The following PCNX1 variants were observed in gnomAD, a reference collection of about 807,000 sequenced individuals.
The protein encoded by PCNX1 is pecanex-like protein 1.
A neutral mutation model predicts 242.2 loss-of-function variants in PCNX1; 78 were observed. The ratio of observed to expected loss-of-function variants is 0.32; its 90% CI spans 0.27 to 0.39. The LOEUF (loss-of-function observed/expected upper bound fraction) is 0.39. PCNX1 is among the 10% of genes least tolerant of loss of function. PCNX1 has a pLI of 1.00. For missense variants in PCNX1, 2,581 were observed against 2,856.5 expected (o/e 0.90, Z 2.20); for synonymous variants, 1,024 against 1,032.9 (o/e 0.99, Z 0.17).
chr14:70,938,329 T>A (rs1021701729), intron 1 of PCNX1, among the ~76,000 whole-genome samples: 2 of 151,994 alleles, frequency 1.3e-5, no homozygotes, highest in African/African-American at 2.4e-5. Flanking sequence ...TTATTGAGAG[T>A]TTTTAGCATG....
At chr14:71,026,992 T>TA in intron 15 of PCNX1, 110 bp downstream of exon 15, 4 of 527,688 alleles carry the variant, frequency 7.6e-6, no homozygotes, top group South Asian at 2.9e-5. Flanking sequence ...GGCTTGAAAT[T>TA]AGAAAAAAAA....
intron 31 of PCNX1, among the ~76,000 whole-genome samples, chr14:71,102,956 A>G (rs966845687): frequency 6.6e-6 from 1 of 152,152 alleles, no homozygotes; most frequent in Admixed American, 6.5e-5. Flanking sequence ...TAAACATCTC[A>G]GTGCTTTAAG....
At chr14:71,073,870 T>G in intron 27 of PCNX1, 72 bp downstream of exon 27, 3 of 1,038,058 alleles carry the variant, frequency 2.9e-6, no homozygotes, top group Non-Finnish European at 3.9e-6. Context: ...TATAAGTATA[T>G]ATATATGTAT....
At chr14:71,073,316 G>A (rs1273682800) in intron 26 of PCNX1, among the ~76,000 whole-genome samples, 4 of 152,124 alleles carry the variant, frequency 2.6e-5, no homozygotes, top group Non-Finnish European at 5.9e-5. Context: ...CAAAAAAAGC[G>A]TAGTGTGCTA....
intron 19 of PCNX1, among the ~76,000 whole-genome samples, chr14:71,038,608 T>A (rs1355198769): frequency 6.6e-6 from 1 of 151,280 alleles, no homozygotes; most frequent in Non-Finnish European, 1.5e-5. Context: ...ATAGGAACAC[T>A]TTTACACTGT....
intron 33 of PCNX1, among the ~76,000 whole-genome samples, chr14:71,107,919 G>C (rs979059949): frequency 6.6e-5 from 10 of 152,152 alleles, no homozygotes; most frequent in African/African-American, 2.2e-4. Flanking sequence ...ATTAAATTAA[G>C]CTAGTTAACC....
chr14:71,090,593 A>G (rs903930105), intron 30 of PCNX1, among the ~76,000 whole-genome samples: 3 of 152,248 alleles, frequency 2.0e-5, no homozygotes, highest in Admixed American at 2.0e-4. Flanking sequence ...AGAATTGTCC[A>G]TCTTCAGACT....
chr14:70,944,999 A>T (rs1045670616), intron 1 of PCNX1, among the ~76,000 whole-genome samples: 1 of 152,100 alleles, frequency 6.6e-6, no homozygotes, highest in African/African-American at 2.4e-5. Flanking sequence ...AGTCTTGGGT[A>T]TTTCTTCATA....
At position 70,968,389 on chromosome 14, in the gene PCNX1, G is replaced by C. The variant is rs1669294889; in HGVS notation, c.514+146G>C. The stretch of plus-strand genomic sequence containing the variant: ...GATAAAATTATTTATCTTATTAAAG[G>C]TTGGTTGACTTAAATTGTGTTCTCT... On this transcript the variant is annotated intron_variant, in intron 4 of 35. Coordinates refer to ENST00000304743, the MANE Select transcript of PCNX1 (RefSeq NM_014982.3). 7.2e-6 allele frequency: 4 copies of C among 553,718 alleles called. No homozygotes were observed. In the Admixed American group the frequency reaches 1.1e-4, roughly 16 times the overall value. 34.3% of individuals were successfully genotyped at this position (553,718 alleles called of 1,614,324 possible).
At chr14:71,066,948 A>G (rs977835106) in intron 26 of PCNX1, among the ~76,000 whole-genome samples, 4 of 152,214 alleles carry the variant, frequency 2.6e-5, no homozygotes, top group African/African-American at 9.6e-5. Context: ...CTTGCATCCC[A>G]GGGATGAAGC....
intron 19 of PCNX1, among the ~76,000 whole-genome samples, chr14:71,042,137 A>G (rs968282439): frequency 2.0e-5 from 3 of 152,144 alleles, no homozygotes; most frequent in African/African-American, 7.2e-5. Context: ...GTTAATGAGG[A>G]CAGTGTGTAT....
chr14:70,941,398 C>G (rs951226505), intron 1 of PCNX1, among the ~76,000 whole-genome samples: 7 of 152,182 alleles, frequency 4.6e-5, no homozygotes, highest in Non-Finnish European at 1.0e-4. Context: ...GAGGTCCACT[C>G]CAGACCCTGT....
At chr14:71,088,115 G>A (rs1056412869) in intron 28 of PCNX1, among the ~76,000 whole-genome samples, 3 of 151,676 alleles carry the variant, frequency 2.0e-5, no homozygotes, top group African/African-American at 2.4e-5. Flanking sequence ...ATTTTGTTCC[G>A]TTATTATGAA....
intron 10 of PCNX1, chr14:71,012,194 A>C (rs1159290840): frequency 1.3e-5 from 2 of 153,136 alleles, no homozygotes; most frequent in Non-Finnish European, 2.9e-5. Context: ...ATATAGTAAC[A>C]ACAATGATAA....
intron 28 of PCNX1, among the ~76,000 whole-genome samples, chr14:71,079,394 G>A (rs1424729855): frequency 1.3e-5 from 2 of 152,114 alleles, no homozygotes; most frequent in Non-Finnish European, 1.5e-5. Context: ...GGCATTTCTG[G>A]TTCTAGATCC....
intron 1 of PCNX1, among the ~76,000 whole-genome samples, chr14:70,915,456 A>G (rs1449269864): frequency 6.6e-6 from 1 of 152,210 alleles, no homozygotes; most frequent in African/African-American, 2.4e-5. Flanking sequence ...ACCAAAATAT[A>G]TTTGGAGTTT....
chr14:71,085,082 C>T (rs926765646), intron 28 of PCNX1, among the ~76,000 whole-genome samples: 2 of 152,218 alleles, frequency 1.3e-5, no homozygotes, highest in Admixed American at 6.5e-5. Flanking sequence ...CACAGCTTCC[C>T]TTGGCTAGGG....
At chr14:71,008,334 C>T (rs1480509433) in intron 8 of PCNX1, among the ~76,000 whole-genome samples, 1 of 152,014 alleles carries the variant, frequency 6.6e-6, no homozygotes, top group Admixed American at 6.6e-5. Flanking sequence ...GACTTTTAGC[C>T]TTACCATCAA....
chr14:70,981,832 G>A (rs565591075), intron 6 of PCNX1, among the ~76,000 whole-genome samples: 1 of 152,256 alleles, frequency 6.6e-6, no homozygotes, highest in South Asian at 2.1e-4. Context: ...ATTCAATACT[G>A]TTGTTATAGC....
Sources: gnomAD v4.1 joint callset for allele counts (sites outside exome capture counted in the v4.1 genomes callset) on GRCh38, gnomAD v4.1.1 for gene constraint, MANE v1.5 for transcripts, NCBI Gene and HGNC (gene_info 2026-07-23, HGNC 2026-07-21) for gene names.